The following MSI2 variants were observed in gnomAD, a reference collection of about 807,000 sequenced individuals.
The protein encoded by MSI2 is musashi RNA binding protein 2, also known as RNA-binding protein Musashi homolog 2.
In MSI2, 17 loss-of-function variants were observed where a neutral mutation model predicts 45.6. That is an observed-to-expected ratio of 0.37 (90% CI 0.26 to 0.56). The LOEUF (loss-of-function observed/expected upper bound fraction) is 0.56, where lower values mean the gene tolerates loss of function less well. MSI2 is among the 20% of genes least tolerant of loss of function. MSI2 has a pLI of 0.77. For synonymous variants in MSI2, 156 were observed against 158.2 expected (o/e 0.99, Z 0.11); for missense variants, 293 against 444.2 (o/e 0.66, Z 3.06).
At chr17:57,392,072 C>A (rs1326570615) in intron 5 of MSI2, among the ~76,000 whole-genome samples, 1 of 152,184 alleles carries the variant, frequency 6.6e-6, no homozygotes, top group African/African-American at 2.4e-5. Flanking sequence ...TGCCTGTGAT[C>A]GGAATGACGG....
intron 6 of MSI2, among the ~76,000 whole-genome samples, chr17:57,420,496 T>A (rs2084374835): frequency 6.6e-6 from 1 of 152,204 alleles, no homozygotes; most frequent in Non-Finnish European, 1.5e-5. Context: ...AAATTTAGGA[T>A]CTCTTGAAGA....
chr17:57,659,258 TTTTG>T (rs1353488523), intron 11 of MSI2, among the ~76,000 whole-genome samples: 1 of 151,966 alleles, frequency 6.6e-6, no homozygotes, highest in Non-Finnish European at 1.5e-5. Flanking sequence ...TTTTTTCTTT[TTTTG>T]TTTGTTTGTT....
chr17:57,624,045 T>G (rs1598465172), intron 9 of MSI2, among the ~76,000 whole-genome samples: 1 of 152,090 alleles, frequency 6.6e-6, no homozygotes, highest in South Asian at 2.1e-4. Context: ...AAAGTTGGGG[T>G]GAACTTGACC....
At chr17:57,498,853 G>C (rs1279918445) in intron 6 of MSI2, among the ~76,000 whole-genome samples, 1 of 151,318 alleles carries the variant, frequency 6.6e-6, no homozygotes, top group Non-Finnish European at 1.5e-5. Context: ...GCACCATGTT[G>C]GTGTGCTGCA....
intron 6 of MSI2, among the ~76,000 whole-genome samples, chr17:57,442,350 T>A (rs1324388298): frequency 6.6e-6 from 1 of 152,214 alleles, no homozygotes; most frequent in East Asian, 1.9e-4. Context: ...AGCTGATTTT[T>A]ATAAACCTTC....
At chr17:57,642,634 AG>A (rs2144656692) in intron 10 of MSI2, among the ~76,000 whole-genome samples, 1 of 152,336 alleles carries the variant, frequency 6.6e-6, no homozygotes, top group South Asian at 2.1e-4. Flanking sequence ...TCCCATAAAT[AG>A]AGCCCCTTTG....
At chr17:57,408,671 TA>T (rs11355209) in intron 6 of MSI2, among the ~76,000 whole-genome samples, 149,349 of 152,172 alleles carry the variant, frequency 0.98, 73,346 homozygotes, top group East Asian at 1. Flanking sequence ...AGACGTCACT[TA>T]ACAATGGAGT....
chr17:57,570,973 C>G (rs1367830939), intron 7 of MSI2, among the ~76,000 whole-genome samples: 1 of 152,146 alleles, frequency 6.6e-6, no homozygotes, highest in East Asian at 1.9e-4. Flanking sequence ...TCTGGGGCCC[C>G]TCCCCCTGCA....
intron 8 of MSI2, among the ~76,000 whole-genome samples, chr17:57,602,845 T>A (rs1906059153): frequency 6.6e-6 from 1 of 152,142 alleles, no homozygotes; most frequent in African/African-American, 2.4e-5. Flanking sequence ...TGGTTAGGAA[T>A]GCAGAGTCCC....
intron 7 of MSI2, among the ~76,000 whole-genome samples, chr17:57,578,697 G>A (rs1201987804): frequency 1.3e-5 from 2 of 152,108 alleles, no homozygotes; most frequent in Non-Finnish European, 2.9e-5. Flanking sequence ...CCATTCTCAG[G>A]GGCCAGCAGT....
chr17:57,371,261 C>T (rs1204029140), intron 5 of MSI2, among the ~76,000 whole-genome samples: 4 of 152,060 alleles, frequency 2.6e-5, no homozygotes, highest in Non-Finnish European at 4.4e-5. Context: ...GGTAAAATTA[C>T]GAGATTGGTC....
chr17:57,643,835 T>G (rs1204346646), intron 10 of MSI2, among the ~76,000 whole-genome samples: 2 of 152,228 alleles, frequency 1.3e-5, no homozygotes, highest in Non-Finnish European at 1.5e-5. Context: ...TCCCTGTGTT[T>G]TAGGAACTAA....
intron 5 of MSI2, among the ~76,000 whole-genome samples, chr17:57,350,650 C>G (rs757858252): frequency 9.2e-5 from 14 of 152,156 alleles, no homozygotes; most frequent in Non-Finnish European, 1.8e-4. Flanking sequence ...CGCAGGGGAT[C>G]CCTGGCCCGG....
rs558338604 is a variant in MSI2 at position 57,653,237 on chromosome 17, C to T, written c.790+1076C>T. Among the ~76,000 whole-genome samples the T allele has an allele frequency of 2.0e-5, 3 of 152,318 alleles. No homozygotes were observed. In the South Asian group the frequency reaches 6.2e-4, roughly 32 times the overall value. ...CCATTAGAAAACTTCAGTAAAAATC[C>T]GTTCCATGCAAACTGGCACTGCCTC... On this transcript the variant is annotated intron_variant, in intron 11 of 13. Transcript: ENST00000284073.
chr17:57,516,133 A>G (rs2086464873), intron 6 of MSI2, among the ~76,000 whole-genome samples: 2 of 152,180 alleles, frequency 1.3e-5, no homozygotes, highest in Admixed American at 1.3e-4. Context: ...TATCACTACA[A>G]TCAGGATATA....
chr17:57,343,840 TC>T (rs1264449199), intron 5 of MSI2, among the ~76,000 whole-genome samples: 2 of 152,180 alleles, frequency 1.3e-5, no homozygotes, highest in African/African-American at 4.8e-5. Context: ...CCCCACCTTT[TC>T]CCAATAGAAC....
chr17:57,373,184 A>G (rs1269364442), intron 5 of MSI2, among the ~76,000 whole-genome samples: 1 of 151,632 alleles, frequency 6.6e-6, no homozygotes, highest in Admixed American at 6.6e-5. Context: ...CAGGAGACGG[A>G]GGTTGCAGTG....
intron 6 of MSI2, among the ~76,000 whole-genome samples, chr17:57,512,671 G>T (rs1255794728): frequency 6.6e-6 from 1 of 152,314 alleles, no homozygotes; most frequent in African/African-American, 2.4e-5. Flanking sequence ...CCATGCTTCT[G>T]CAGCCTTGTG....
intron 5 of MSI2, among the ~76,000 whole-genome samples, chr17:57,285,034 G>A (rs1402996834): frequency 6.6e-6 from 1 of 152,158 alleles, no homozygotes; most frequent in South Asian, 2.1e-4. Context: ...GGAGGATAGG[G>A]GAGGTTTTTC....
Sources: allele counts gnomAD v4.1 joint callset (sites outside exome capture counted in the v4.1 genomes callset), GRCh38; gene constraint gnomAD v4.1.1; transcripts MANE v1.5; gene names NCBI Gene and HGNC (gene_info 2026-07-23, HGNC 2026-07-21).